MKLN1: variants seen among roughly 807,000 people sequenced by gnomAD.
The protein encoded by MKLN1 is muskelin.
MKLN1 carries 18 observed loss-of-function variants against 99.0 expected under a neutral mutation model. The observed-to-expected ratio is 0.18, with a 90% CI of 0.13 to 0.27. MKLN1 has a LOEUF of 0.27. Ranked by LOEUF, MKLN1 falls within the 10% of genes least tolerant of loss-of-function variation. The pLI, the probability that MKLN1 is intolerant of heterozygous loss-of-function variation, is 1.00. For missense variants in MKLN1, 621 were observed against 875.9 expected (o/e 0.71, Z 3.67); for synonymous variants, 288 against 293.2 (o/e 0.98, Z 0.18).
In MKLN1 at chr7:131,363,283, A is replaced by G. The variant is rs922698545; in HGVS notation, c.99-12141A>G. 3.3e-5 allele frequency among the ~76,000 whole-genome samples: 5 copies of G among 151,820 alleles called. No individual in the cohort carries two copies. The East Asian group carries it at 9.6e-4, about 29-fold the overall frequency. On this transcript the variant is annotated intron_variant, in intron 1 of 17. Coordinates refer to ENST00000352689, the MANE Select transcript of MKLN1 (RefSeq NM_013255.5). The stretch of plus-strand genomic sequence containing the variant: ...GTTTTCCAGGTATTTTGCTTTCTGA[A>G]TAGACCCCTTTAAATGTATTTTACT...
intron 3 of MKLN1, among the ~76,000 whole-genome samples, chr7:131,225,721 A>G (rs529131299): frequency 1.1e-4 from 16 of 152,162 alleles, no homozygotes; most frequent in African/African-American, 3.6e-4. Context: ...GCTACTCTCA[A>G]GGCTCCCCGG....
chr7:131,359,782 G>A (rs1472523583), intron 1 of MKLN1, among the ~76,000 whole-genome samples: 1 of 151,402 alleles, frequency 6.6e-6, no homozygotes, highest in Non-Finnish European at 1.5e-5. Flanking sequence ...CACCCAGACT[G>A]GAGTGCAGTG....
chr7:131,486,235 A>G (rs911394249), intron 17 of MKLN1, among the ~76,000 whole-genome samples: 1 of 144,988 alleles, frequency 6.9e-6, no homozygotes, highest in Non-Finnish European at 1.5e-5. Context: ...TAAAAAGTTG[A>G]AAAAGAAGCA....
In MKLN1 at chr7:131,487,243, C is replaced by G. The variant is rs574972492; in HGVS notation, c.2087-364C>G. On this transcript the variant is annotated intron_variant, in intron 17 of 17. Coordinates refer to ENST00000352689, the MANE Select transcript of MKLN1 (RefSeq NM_013255.5). This position sits in a 1 kb window ranked among gnomAD's most constrained non-coding sequence, Gnocchi z 4.7. ...AAGTGGAATTTCCTCAGTGGACCAG[C>G]AGAGAAAAGACCTAATAAGGAAAAA... is the stretch of plus-strand genomic sequence containing the variant. Among the ~76,000 whole-genome samples, 1 of 152,140 alleles carries G rather than the reference C, an allele frequency of 6.6e-6. No individual in the cohort carries two copies. Among genetic ancestry groups the G allele is most frequent in the South Asian group, 2.1e-4 (1 of 4,822 alleles).
At chr7:131,178,816 T>G (rs898932676) in intron 2 of MKLN1, among the ~76,000 whole-genome samples, 1 of 152,232 alleles carries the variant, frequency 6.6e-6, no homozygotes, top group Non-Finnish European at 1.5e-5. Context: ...GTGAATTCCT[T>G]AGACATAGCT....
At chr7:131,455,378 T>C (rs1796302287) in intron 12 of MKLN1, among the ~76,000 whole-genome samples, 2 of 152,212 alleles carry the variant, frequency 1.3e-5, no homozygotes, top group African/African-American at 4.8e-5. Context: ...GATAAAATTT[T>C]TTTACTTCCC....
chr7:131,210,896 A>C (rs1205948314), intron 3 of MKLN1, among the ~76,000 whole-genome samples: 2 of 151,042 alleles, frequency 1.3e-5, no homozygotes, highest in Non-Finnish European at 3.0e-5. Context: ...AAGTCGTTAA[A>C]ATAGGAAATA....
chr7:131,297,863 G>A (rs546259650), intron 3 of MKLN1, among the ~76,000 whole-genome samples: 1 of 152,296 alleles, frequency 6.6e-6, no homozygotes, highest in South Asian at 2.1e-4. Flanking sequence ...AGCAGCTCAG[G>A]TTCAGCCTTT....
chr7:131,167,533 A>C (rs113193049), intron 2 of MKLN1, among the ~76,000 whole-genome samples: 8,065 of 151,974 alleles, frequency 0.053, 374 homozygotes, highest in African/African-American at 0.13. Context: ...TTAACCAGGT[A>C]TGATGGCACA....
At chr7:131,274,728 T>C (rs1402177145) in intron 3 of MKLN1, among the ~76,000 whole-genome samples, 1 of 150,840 alleles carries the variant, frequency 6.6e-6, no homozygotes, top group African/African-American at 2.4e-5. Context: ...AAAGACAAGC[T>C]CTTAAGCAGT....
intron 2 of MKLN1, among the ~76,000 whole-genome samples, chr7:131,167,702 A>C (rs59062713): frequency 0.15 from 23,150 of 151,402 alleles, 2,485 homozygotes; most frequent in East Asian, 0.49. Context: ...TGGAAAAGAA[A>C]ACACACAGAA....
chr7:131,422,843 C>T (rs1052867559), intron 8 of MKLN1, among the ~76,000 whole-genome samples: 3 of 152,040 alleles, frequency 2.0e-5, no homozygotes, highest in African/African-American at 7.2e-5. Flanking sequence ...GCTTTCTTCC[C>T]TCCTAAGGGA....
intron 3 of MKLN1, among the ~76,000 whole-genome samples, chr7:131,235,955 G>A (rs1486575557): frequency 1.3e-5 from 2 of 152,206 alleles, no homozygotes; most frequent in East Asian, 3.8e-4. Context: ...AGGCCCCGAT[G>A]GGGAGTGTGC....
At chr7:131,348,530 G>GT (rs59281845) in intron 1 of MKLN1, among the ~76,000 whole-genome samples, 8,750 of 144,604 alleles carry the variant, frequency 0.061, 279 homozygotes, top group East Asian at 0.2. Flanking sequence ...TAGTCGTTGG[G>GT]TTTTTTTTTT....
At chr7:131,229,690 G>A (rs1444199516) in intron 3 of MKLN1, among the ~76,000 whole-genome samples, 1 of 152,064 alleles carries the variant, frequency 6.6e-6, no homozygotes, top group Non-Finnish European at 1.5e-5. Context: ...TGAGGAGCTG[G>A]GACCACAAGC....
At chr7:131,280,071 T>C (rs1370943075) in intron 3 of MKLN1, among the ~76,000 whole-genome samples, 1 of 152,128 alleles carries the variant, frequency 6.6e-6, no homozygotes, top group African/African-American at 2.4e-5. Context: ...CAATATATAG[T>C]CTTTTGAGAC....
intron 1 of MKLN1, among the ~76,000 whole-genome samples, chr7:131,122,619 G>A (rs1041334630): frequency 7.2e-5 from 11 of 152,088 alleles, no homozygotes; most frequent in African/African-American, 1.4e-4. Context: ...TCATAACGCT[G>A]CCCAGCCCCA....
At chr7:131,354,682 C>T (rs538234709) in intron 1 of MKLN1, among the ~76,000 whole-genome samples, 1 of 152,156 alleles carries the variant, frequency 6.6e-6, no homozygotes, top group Non-Finnish European at 1.5e-5. Context: ...TTCTCAGTGA[C>T]AGGATGTAAA....
chr7:131,371,148 CAG>C (rs1793439987), intron 1 of MKLN1, among the ~76,000 whole-genome samples: 1 of 151,942 alleles, frequency 6.6e-6, no homozygotes, highest in Admixed American at 6.6e-5. Context: ...ATATCATTAT[CAG>C]ATATTTATTA....
Sources: allele counts gnomAD v4.1 joint callset (sites outside exome capture counted in the v4.1 genomes callset), GRCh38; gene constraint gnomAD v4.1.1; non-coding constraint Gnocchi (gnomAD v3.1); transcripts MANE v1.5; gene names NCBI Gene and HGNC (gene_info 2026-07-23, HGNC 2026-07-21).